The following IL1RAPL2 variants were observed in gnomAD, a reference collection of about 807,000 sequenced individuals.
The protein encoded by IL1RAPL2 is interleukin 1 receptor accessory protein like 2.
In IL1RAPL2, 3 loss-of-function variants were observed where a neutral mutation model predicts 44.1. That is an observed-to-expected ratio of 0.07 (90% CI 0.03 to 0.18). The LOEUF is 0.18. Ranked by LOEUF, IL1RAPL2 falls within the 10% of genes least tolerant of loss-of-function variation. IL1RAPL2 has a pLI of 1.00. For synonymous variants in IL1RAPL2, 181 were observed against 178.8 expected (o/e 1.01, Z -0.10); for missense variants, 391 against 496.4 (o/e 0.79, Z 2.02).
At chrX:105,388,657 C>T (rs1213959030) in intron 5 of IL1RAPL2, among the ~76,000 whole-genome samples, 1 of 110,970 alleles carries the variant, frequency 9.0e-6, no homozygotes, top group Non-Finnish European at 1.9e-5. Context: ...GGAAGGCTTG[C>T]ATCCCTCAAT....
chrX:105,727,438 G>A (rs1311451878), intron 7 of IL1RAPL2, among the ~76,000 whole-genome samples: 1 of 111,570 alleles, frequency 9.0e-6, no homozygotes, highest in African/African-American at 3.3e-5. Flanking sequence ...GCACCTACAT[G>A]TAAATATTAG....
chrX:105,060,585 C>CTTTTTTTTTTTTTTTTT, intron 2 of IL1RAPL2, among the ~76,000 whole-genome samples: 112 of 69,933 alleles, frequency 1.6e-3, no homozygotes, highest in East Asian at 2.6e-3. Flanking sequence ...TTTTCTTTTT[C>CTTTTTTTTTTTTTTTTT]TTTTTTTTTT....
At chrX:105,120,409 C>G (rs2032911549) in intron 2 of IL1RAPL2, among the ~76,000 whole-genome samples, 1 of 110,591 alleles carries the variant, frequency 9.0e-6, no homozygotes, top group South Asian at 3.9e-4. Flanking sequence ...ACCCAATTGT[C>G]TCTTTGCCTT....
At chrX:105,173,177 A>G (rs376707959) in intron 2 of IL1RAPL2, among the ~76,000 whole-genome samples, 2 of 111,252 alleles carry the variant, frequency 1.8e-5, no homozygotes, top group South Asian at 3.9e-4. Flanking sequence ...GGCCACCTAC[A>G]TGGAAATATT....
intron 1 of IL1RAPL2, among the ~76,000 whole-genome samples, chrX:104,613,522 G>T (rs1186880081): frequency 8.9e-6 from 1 of 111,949 alleles, no homozygotes; most frequent in African/African-American, 3.2e-5. Context: ...AAGCCTACTT[G>T]ATCATGGTGA....
At chrX:104,630,268 C>T (rs767046973) in intron 1 of IL1RAPL2, among the ~76,000 whole-genome samples, 35 of 110,245 alleles carry the variant, frequency 3.2e-4, no homozygotes, top group Admixed American at 2.7e-3. Context: ...CTGCCTCAGC[C>T]CCCTGAGTAG....
At chrX:105,345,523 A>G (rs2035104326) in intron 5 of IL1RAPL2, among the ~76,000 whole-genome samples, 1 of 111,149 alleles carries the variant, frequency 9.0e-6, no homozygotes, top group African/African-American at 3.3e-5. Flanking sequence ...AATACTTTGA[A>G]GAAAAGAAGT....
intron 4 of IL1RAPL2, among the ~76,000 whole-genome samples, chrX:105,246,308 C>A (rs1442934951): frequency 8.9e-6 from 1 of 112,038 alleles, no homozygotes; most frequent in Non-Finnish European, 1.9e-5. Flanking sequence ...ACATAATAGT[C>A]AGGAGCAATC....
intron 2 of IL1RAPL2, among the ~76,000 whole-genome samples, chrX:104,810,013 A>C (rs1463094605): frequency 1.1e-4 from 12 of 110,992 alleles, no homozygotes; most frequent in South Asian, 3.8e-4. Flanking sequence ...TGGAACCAAC[A>C]CAAATGTCCA....
At chrX:105,164,396 C>G (rs1336210854) in intron 2 of IL1RAPL2, among the ~76,000 whole-genome samples, 1 of 111,869 alleles carries the variant, frequency 8.9e-6, no homozygotes, top group Non-Finnish European at 1.9e-5. Flanking sequence ...TCTGGGTAAC[C>G]CTTCAGTCTC....
At chrX:105,179,736 T>TC (rs200937574) in intron 2 of IL1RAPL2, among the ~76,000 whole-genome samples, 1,309 of 110,276 alleles carry the variant, frequency 0.012, 25 homozygotes, top group African/African-American at 0.042. Flanking sequence ...CTAGGTATTT[T>TC]TTTTTTTTTG....
intron 5 of IL1RAPL2, among the ~76,000 whole-genome samples, chrX:105,382,083 C>T (rs1363114851): frequency 7.2e-4 from 80 of 111,096 alleles, no homozygotes; most frequent in Non-Finnish European, 9.8e-4. Flanking sequence ...TCTAAAACAC[C>T]AAAAGCAATG....
intron 6 of IL1RAPL2, among the ~76,000 whole-genome samples, chrX:105,540,873 C>CATATATAATAT (rs1569452134): frequency 2.8e-4 from 6 of 21,620 alleles, no homozygotes; most frequent in African/African-American, 1.2e-3. Flanking sequence ...ATATATAATA[C>CATATATAATAT]ATACATATAT....
chrX:105,131,873 C>G (rs2033030200), intron 2 of IL1RAPL2, among the ~76,000 whole-genome samples: 1 of 111,285 alleles, frequency 9.0e-6, no homozygotes, highest in African/African-American at 3.3e-5. Flanking sequence ...CGTAGGCATA[C>G]CATAAAACAA....
chrX:105,704,179 G>A (rs145936984), intron 6 of IL1RAPL2, among the ~76,000 whole-genome samples: 2,357 of 111,887 alleles, frequency 0.021, 58 homozygotes, highest in African/African-American at 0.072. Flanking sequence ...GTATGTGCAA[G>A]TCTTATATAC....
At chrX:104,951,813 T>C (rs1356344294) in intron 2 of IL1RAPL2, among the ~76,000 whole-genome samples, 8 of 112,610 alleles carry the variant, frequency 7.1e-5, no homozygotes, top group Admixed American at 5.6e-4. Context: ...GGAAAGTGCA[T>C]GTGCCTGGCT....
chrX:104,818,343 C>CAAA (rs768639524), intron 2 of IL1RAPL2, among the ~76,000 whole-genome samples: 355 of 27,306 alleles, frequency 0.013, 11 homozygotes, highest in African/African-American at 0.037. Flanking sequence ...GACTCCGTCT[C>CAAA]AAAAAAAAAA....
At chrX:104,719,557 T>C (rs889061398) in intron 2 of IL1RAPL2, among the ~76,000 whole-genome samples, 1 of 111,786 alleles carries the variant, frequency 8.9e-6, no homozygotes, top group Non-Finnish European at 1.9e-5. Context: ...AGCATTACTC[T>C]GATTGTCTCA....
chrX:105,747,075 T>G (rs781050486), intron 8 of IL1RAPL2, among the ~76,000 whole-genome samples: 1 of 110,886 alleles, frequency 9.0e-6, no homozygotes, highest in Non-Finnish European at 1.9e-5. Context: ...CCACAGAGAT[T>G]TCTTAAGAAA....
Sources: gnomAD v4.1 joint callset for allele counts (sites outside exome capture counted in the v4.1 genomes callset) on GRCh38, gnomAD v4.1.1 for gene constraint, MANE v1.5 for transcripts, NCBI Gene and HGNC (gene_info 2026-07-23, HGNC 2026-07-21) for gene names.